Variants in DNAI3 observed in about 807,000 individuals in gnomAD.
The protein encoded by DNAI3 is WD repeat domain 63.
A neutral mutation model predicts 115.5 loss-of-function variants in DNAI3; 83 were observed. That is an observed-to-expected ratio of 0.72 (90% CI 0.60 to 0.86). DNAI3 has a LOEUF of 0.86. Among genes scored for constraint, DNAI3 ranks in the 40% least tolerant of loss-of-function variants. The probability of loss-of-function intolerance (pLI) is 0.00; values close to 1 mark genes in which losing one functional copy is unlikely to be tolerated. For missense variants in DNAI3, 1,004 were observed against 1,075.8 expected, an observed-to-expected ratio of 0.93 and a Z score of 0.93; for synonymous variants, 320 against 347.0, an observed-to-expected ratio of 0.92 and a Z score of 0.86.
rs1218786249 is a variant in DNAI3, at chr1:85,109,920, G to A, written c.1699-128G>A. On this transcript the variant is annotated intron_variant, in intron 15 of 22. Coordinates refer to ENST00000294664, the MANE Select transcript of DNAI3 (RefSeq NM_145172.5). Reference sequence around the variant, plus strand: ...GAAACTAGAAATTTGAGGGAGGAAAGGGAAGGAAGAAAAAAAAGGAGGTGG... The same window carrying A: ...GAAACTAGAAATTTGAGGGAGGAAAAGGAAGGAAGAAAAAAAAGGAGGTGG... 1.5e-5 allele frequency: 12 copies of A among 801,164 alleles called. No individual in the cohort carries two copies. In the East Asian group the frequency reaches 3.2e-4, roughly 22 times the overall value. 49.6% of individuals were successfully genotyped at this position (801,164 alleles called of 1,614,324 possible).
chr1:85,126,486 T>G, intron 19 of DNAI3, 25 bp from the exon 20 acceptor site: 4 of 1,593,180 alleles, frequency 2.5e-6, no homozygotes, highest in Non-Finnish European at 3.4e-6. Flanking sequence ...CTTCTTTATT[T>G]GTCTTTTTAA....
chr1:85,123,424 C>T (rs561484905), intron 18 of DNAI3, among the ~76,000 whole-genome samples: 1 of 152,318 alleles, frequency 6.6e-6, no homozygotes, highest in South Asian at 2.1e-4. Flanking sequence ...TTTCATGTCT[C>T]ACTCTAAAAT....
chr1:85,072,908 TAG>T, intron 2 of DNAI3, 144 bp from the exon 3 acceptor site: 1 of 369,844 alleles, frequency 2.7e-6, no homozygotes, highest in South Asian at 5.6e-5. Context: ...TGAGCTGAGA[TAG>T]CGCCACTGCC....
chr1:85,071,609 C>T (rs1411794566), intron 1 of DNAI3, among the ~76,000 whole-genome samples: 1 of 152,200 alleles, frequency 6.6e-6, no homozygotes, highest in African/African-American at 2.4e-5. Context: ...ATGGGAACTT[C>T]AGTGAGAGGC....
Position 85,108,137 on chromosome 1 carries a change from CT to C in DNAI3, c.1664del (p.Leu555CysfsTer13). The part of the protein sequence containing the change: ...SIEIPFDVPS[T>X]FLHLDLSWKP... ...GAAATTCCTTTTGATGTACCATCTA[CT>C]TTTTTGCATCTGGATCTCTCCTGGA... On this transcript the variant is annotated frameshift_variant, in exon 15 of 23. Coordinates refer to ENST00000294664, the MANE Select transcript of DNAI3 (RefSeq NM_145172.5). LOFTEE classifies it high-confidence loss of function. The C allele has an allele frequency of 6.8e-6, 11 of 1,606,568 alleles. No homozygotes were observed. Among genetic ancestry groups the C allele is most frequent in the Non-Finnish European group, 8.5e-6 (10 of 1,177,502 alleles).
At chr1:85,070,535 TA>T (rs1482331886) in intron 1 of DNAI3, among the ~76,000 whole-genome samples, 1 of 152,030 alleles carries the variant, frequency 6.6e-6, no homozygotes, top group Non-Finnish European at 1.5e-5. Flanking sequence ...ATAGTAATAA[TA>T]AAATGTGGTT....
intron 3 of DNAI3, among the ~76,000 whole-genome samples, chr1:85,078,983 A>G (rs1557708583): frequency 6.6e-6 from 1 of 152,218 alleles, no homozygotes; most frequent in African/African-American, 2.4e-5. Context: ...ATAGAAAACA[A>G]TCTTTGATGC....
At chr1:85,099,954 C>T (rs551213259) in intron 13 of DNAI3, among the ~76,000 whole-genome samples, 2,556 of 152,190 alleles carry the variant, frequency 0.017, 70 homozygotes, top group African/African-American at 0.058. Context: ...TTCCTTACAC[C>T]TTATACAAAA....
intron 17 of DNAI3, 71 bp downstream of exon 17, chr1:85,117,930 G>A: frequency 6.6e-7 from 1 of 1,526,634 alleles, no homozygotes; most frequent in South Asian, 1.3e-5. Flanking sequence ...AATATCTACT[G>A]TACATTTTTG....
At chr1:85,127,196 C>T (rs1403113026) in intron 20 of DNAI3, among the ~76,000 whole-genome samples, 1 of 152,038 alleles carries the variant, frequency 6.6e-6, no homozygotes, top group East Asian at 1.9e-4. Flanking sequence ...TAATATCAAG[C>T]AATTCTCTTC....
intron 6 of DNAI3, 141 bp from the exon 7 acceptor site, chr1:85,085,690 C>A: frequency 1.4e-6 from 1 of 692,016 alleles, no homozygotes; most frequent in Non-Finnish European, 2.5e-6. Flanking sequence ...GGGTGCTGCT[C>A]ATGTGAATGG....
At chr1:85,102,732 T>A (rs1655363881) in intron 13 of DNAI3, among the ~76,000 whole-genome samples, 1 of 152,150 alleles carries the variant, frequency 6.6e-6, no homozygotes, top group Non-Finnish European at 1.5e-5. Context: ...TAAGAAATGA[T>A]CCAATTTGTA....
chr1:85,130,869 GCTCCCTTTCTCAGCTT>G (rs1378310872), intron 22 of DNAI3, among the ~76,000 whole-genome samples: 1 of 152,132 alleles, frequency 6.6e-6, no homozygotes, highest in Admixed American at 6.5e-5. Context: ...AGCACCCCAT[GCTCCCTTTCTCAGCTT>G]CTCCCTGTTT....
intron 3 of DNAI3, among the ~76,000 whole-genome samples, chr1:85,074,743 G>T (rs367949653): frequency 6.6e-5 from 10 of 152,260 alleles, no homozygotes; most frequent in African/African-American, 2.4e-4. Flanking sequence ...GGAAACACAG[G>T]GTTAGGTTCC....
At chr1:85,070,298 A>G (rs1442757388) in intron 1 of DNAI3, among the ~76,000 whole-genome samples, 2 of 152,254 alleles carry the variant, frequency 1.3e-5, no homozygotes, top group Admixed American at 6.5e-5. Context: ...CTGCCTTCCT[A>G]GGTAAAGTCA....
At position 85,090,242 on chromosome 1, in the gene DNAI3, TG is replaced by T. The variant is rs772102035; in HGVS notation, c.857+11del. 1.9e-5 allele frequency: 28 copies of T among 1,467,578 alleles called. No individual in the cohort carries two copies. Among genetic ancestry groups the T allele is most frequent in the Middle Eastern group, 3.7e-4 (2 of 5,418 alleles). 90.9% of individuals were successfully genotyped at this position (1,467,578 alleles called of 1,614,324 possible). The stretch of plus-strand genomic sequence containing the variant: ...ACAATGCATCCATAAGGTAAAAAAT[TG>T]CATATTAAATTTTAAAAATAAAACA... On this transcript the variant is annotated intron_variant, in intron 8 of 22. Transcript: ENST00000294664.
chr1:85,125,424 A>G (rs1010028337), intron 19 of DNAI3, among the ~76,000 whole-genome samples: 26 of 152,114 alleles, frequency 1.7e-4, no homozygotes, highest in African/African-American at 6.0e-4. Flanking sequence ...AAACTCTAAC[A>G]TATACAAATA....
chr1:85,090,620 G>A (rs142172844), intron 8 of DNAI3, among the ~76,000 whole-genome samples: 10 of 152,104 alleles, frequency 6.6e-5, no homozygotes, highest in Admixed American at 1.3e-4. Context: ...ATAAGTATTT[G>A]CAAAAATATC....
chr1:85,123,372 T>TA (rs1156354290), intron 18 of DNAI3, among the ~76,000 whole-genome samples: 1 of 152,182 alleles, frequency 6.6e-6, no homozygotes, highest in Non-Finnish European at 1.5e-5. Context: ...ACTCCTTTCT[T>TA]ACAAGGCCCA....
Sources: gnomAD v4.1 joint callset for allele counts (sites outside exome capture counted in the v4.1 genomes callset) on GRCh38, gnomAD v4.1.1 for gene constraint, MANE v1.5 for transcripts, NCBI Gene and HGNC (gene_info 2026-07-23, HGNC 2026-07-21) for gene names.